RXRA: variants seen among roughly 807,000 people sequenced by gnomAD.
The protein encoded by RXRA is retinoic acid receptor RXR-alpha.
Under a neutral mutation model 44.5 loss-of-function variants are expected in RXRA, and 5 were observed. The observed-to-expected ratio is 0.11, with a 90% CI of 0.06 to 0.24. RXRA has a LOEUF of 0.24. RXRA is among the 10% of genes least tolerant of loss of function. The pLI is 1.00. For missense variants in RXRA, 412 were observed against 646.5 expected (o/e 0.64, Z 3.93); for synonymous variants, 291 against 271.4 (o/e 1.07, Z -0.71).
chr9:134,430,938 C>T (rs1831522626), intron 7 of RXRA, among the ~76,000 whole-genome samples: 1 of 152,242 alleles, frequency 6.6e-6, no homozygotes, highest in Admixed American at 6.5e-5. Context: ...CATCCCTCTG[C>T]AGCTGTGTGC....
chr9:134,415,131 G>A (rs1831213007), intron 4 of RXRA, among the ~76,000 whole-genome samples: 1 of 152,242 alleles, frequency 6.6e-6, no homozygotes, highest in African/African-American at 2.4e-5. Context: ...CTGAAGCTGG[G>A]GATGGGCCTC....
rs185157550 is a variant in RXRA, at chr9:134,339,125, G to C, written c.28+12466G>C. ...GGTCACCCCCCCTGGGGTTGGCCCCGTGGGCTCAGGGCCCTGCCTCCCTGT... is the reference window on the plus strand; with the variant it reads ...GGTCACCCCCCCTGGGGTTGGCCCCCTGGGCTCAGGGCCCTGCCTCCCTGT... On this transcript the variant is annotated intron_variant, in intron 1 of 9. Coordinates refer to ENST00000481739, the MANE Select transcript of RXRA (RefSeq NM_002957.6). Among the ~76,000 whole-genome samples the C allele has an allele frequency of 6.6e-3, 1,013 of 152,338 alleles. 5 individuals are homozygous for C. Among genetic ancestry groups the C allele is most frequent in the Non-Finnish European group, 9.7e-3 (662 of 68,018 alleles).
At chr9:134,362,202 C>T (rs1299786645) in intron 1 of RXRA, among the ~76,000 whole-genome samples, 1 of 152,196 alleles carries the variant, frequency 6.6e-6, no homozygotes, top group African/African-American at 2.4e-5. Context: ...TGCGTGGCCG[C>T]TGCTCATGGC....
At chr9:134,361,486 G>A (rs550562981) in intron 1 of RXRA, among the ~76,000 whole-genome samples, 3 of 152,308 alleles carry the variant, frequency 2.0e-5, no homozygotes, top group South Asian at 2.1e-4. Flanking sequence ...GGCTGGGACA[G>A]GGATGGTGGT....
At chr9:134,377,205 T>C (rs1830569075) in intron 1 of RXRA, among the ~76,000 whole-genome samples, 1 of 152,206 alleles carries the variant, frequency 6.6e-6, no homozygotes, top group African/African-American at 2.4e-5. Context: ...CTTTCATTTC[T>C]GGGGGCCTCT....
chr9:134,425,994 T>C (rs1195189568), intron 6 of RXRA: 1 of 985,252 alleles, frequency 1.0e-6, no homozygotes, highest in Non-Finnish European at 1.2e-6. Flanking sequence ...GACTCTGTGC[T>C]GTTCCTTCCG....
intron 1 of RXRA, among the ~76,000 whole-genome samples, chr9:134,348,973 G>A (rs1226688892): frequency 2.0e-5 from 3 of 152,218 alleles, no homozygotes; most frequent in Non-Finnish European, 4.4e-5. Flanking sequence ...TGCGCCAGCT[G>A]GGCCTTGAGA....
chr9:134,428,700 C>T (rs1448054221), intron 6 of RXRA, among the ~76,000 whole-genome samples: 6 of 152,206 alleles, frequency 3.9e-5, no homozygotes, highest in African/African-American at 1.4e-4. Context: ...TGGCATTCCA[C>T]GAAGGGCACA....
chr9:134,351,305 G>C (rs933507412), intron 1 of RXRA, among the ~76,000 whole-genome samples: 1 of 152,366 alleles, frequency 6.6e-6, no homozygotes, highest in East Asian at 1.9e-4. Flanking sequence ...AGAAGGGGCA[G>C]TCGGGAGGTC....
intron 1 of RXRA, among the ~76,000 whole-genome samples, chr9:134,329,032 G>T (rs1003253875): frequency 7.6e-4 from 116 of 152,372 alleles, no homozygotes; most frequent in African/African-American, 2.6e-3. Context: ...GCCTGCCGGG[G>T]AGAAGGCCCC....
intron 1 of RXRA, among the ~76,000 whole-genome samples, chr9:134,393,411 C>A (rs561727081): frequency 6.2e-4 from 94 of 152,342 alleles, no homozygotes; most frequent in African/African-American, 2.2e-3. Flanking sequence ...GGGCTGTTTC[C>A]TCTTCTGAAC....
Position 134,407,524 on chromosome 9 carries a change from G to A in RXRA, c.280-625G>A, listed in dbSNP as rs768069352. ...TTCCCACGCTTGCCCGGGCGGCAGC[G>A]TGCGGGCCGGCGGGTGGGGCGGAGG... is the stretch of plus-strand genomic sequence containing the variant. On this transcript the variant is annotated intron_variant, in intron 2 of 9. Transcript: ENST00000481739. This position sits in a 1 kb window ranked among gnomAD's most constrained non-coding sequence, Gnocchi z 4.8. Among the ~76,000 whole-genome samples, 7 of 152,362 alleles carry A rather than the reference G, an allele frequency of 4.6e-5. No homozygotes were observed. Among genetic ancestry groups the A allele is most frequent in the African/African-American group, 1.4e-4 (6 of 41,592 alleles).
chr9:134,347,482 G>A (rs782134464), intron 1 of RXRA, among the ~76,000 whole-genome samples: 2 of 152,196 alleles, frequency 1.3e-5, no homozygotes, highest in African/African-American at 4.8e-5. Flanking sequence ...GGCTTCTGCC[G>A]AGCAGGAGGG....
chr9:134,396,928 G>T (rs1253374008), intron 1 of RXRA, among the ~76,000 whole-genome samples: 1 of 152,228 alleles, frequency 6.6e-6, no homozygotes. Flanking sequence ...AAGGGCCGGA[G>T]GTTCCCTGGC....
At chr9:134,405,881 C>G (rs1536473) in intron 2 of RXRA, 15,878 of 152,506 alleles carry the variant, frequency 0.1, 2,719 homozygotes, top group African/African-American at 0.36. Flanking sequence ...CTACTTCTTT[C>G]CTTTTTTCAA....
chr9:134,340,783 C>G (rs369965556), intron 1 of RXRA, among the ~76,000 whole-genome samples: 2 of 152,278 alleles, frequency 1.3e-5, no homozygotes, highest in East Asian at 3.9e-4. Context: ...TGTCTCAGCT[C>G]CGGGAGCAAG....
chr9:134,429,282 T>G, intron 7 of RXRA, 42 bp downstream of exon 7: 1 of 1,594,904 alleles, frequency 6.3e-7, no homozygotes, highest in Non-Finnish European at 8.5e-7. Flanking sequence ...TTCGGTCACC[T>G]CCGCCACCAG....
In RXRA at chr9:134,381,969, G is replaced by A. The variant is rs565912548; in HGVS notation, c.29-19663G>A. On this transcript the variant is annotated intron_variant, in intron 1 of 9. Transcript: ENST00000481739. ...GGGCAGGTGAAGCCACCGCTCCCTC[G>A]GTGTAGCAGTCAGTGTGCCCTCCCC... Among the ~76,000 whole-genome samples the A allele has an allele frequency of 5.3e-5, 8 of 152,232 alleles. No homozygotes were observed. In the South Asian group the frequency reaches 8.3e-4, roughly 16 times the overall value.
intron 1 of RXRA, among the ~76,000 whole-genome samples, chr9:134,334,038 C>G (rs945018836): frequency 6.6e-5 from 10 of 152,248 alleles, no homozygotes; most frequent in Non-Finnish European, 4.4e-5. Flanking sequence ...ATTCAGCTCC[C>G]GCTGGCAAGC....
Sources: allele counts gnomAD v4.1 joint callset (sites outside exome capture counted in the v4.1 genomes callset), GRCh38; gene constraint gnomAD v4.1.1; non-coding constraint Gnocchi (gnomAD v3.1); transcripts MANE v1.5; gene names NCBI Gene and HGNC (gene_info 2026-07-23, HGNC 2026-07-21).